DUOXA2: variants seen among roughly 807,000 people sequenced by gnomAD.
DUOXA2 encodes dual oxidase maturation factor 2.
DUOXA2 carries 22 observed loss-of-function variants against 27.6 expected under a neutral mutation model. The observed-to-expected ratio is 0.80, with a 90% CI of 0.57 to 1.14. DUOXA2 has a LOEUF of 1.14. Among genes scored for constraint, DUOXA2 ranks in the 50% most tolerant of loss-of-function variants. DUOXA2 has a pLI of 0.00. For synonymous variants in DUOXA2, 188 were observed against 184.4 expected (o/e 1.02, Z -0.16); for missense variants, 481 against 419.9 (o/e 1.15, Z -1.27).
At chr15:45,115,621 G>A (rs532173295) in intron 1 of DUOXA2, 178 bp from the exon 2 acceptor site, 58 of 780,310 alleles carry the variant, frequency 7.4e-5, no homozygotes, top group African/African-American at 3.2e-4. Context: ...GTGAAAGTGC[G>A]TGGTCACAAA....
At chr15:45,117,058 C>T (rs1313033486) in intron 4 of DUOXA2, 33 bp from the exon 5 acceptor site, 2 of 1,592,498 alleles carry the variant, frequency 1.3e-6, no homozygotes, top group African/African-American at 2.7e-5. Flanking sequence ...TGGGAGAAGC[C>T]CGCTCACAGC....
chr15:45,117,922 C>A lies in DUOXA2; in HGVS notation c.*13C>A. The A allele has an allele frequency of 1.2e-6, 2 of 1,613,308 alleles. No homozygotes were observed. Among genetic ancestry groups the A allele is most frequent in the South Asian group, 2.2e-5 (2 of 91,086 alleles). The stretch of plus-strand genomic sequence containing the variant: ...CACTAACCTGTGAGGGGGACCCAAT[C>A]TGGACTCCTTCCCCGCCTTGGGACA... On this transcript the variant is annotated 3_prime_UTR_variant, in exon 6 of 6. Transcript: ENST00000323030.
In DUOXA2 at chr15:45,118,048, A is replaced by AG; in HGVS notation, c.*142dup. 1 of 1,589,704 alleles carries AG rather than the reference A, an allele frequency of 6.3e-7. No homozygotes were observed. Among genetic ancestry groups the AG allele is most frequent in the Non-Finnish European group, 8.6e-7 (1 of 1,165,444 alleles). On this transcript the variant is annotated 3_prime_UTR_variant, in exon 6 of 6. Coordinates refer to ENST00000323030, the MANE Select transcript of DUOXA2 (RefSeq NM_207581.4). ...GAGGCCTCGGACATCCGCAGGCACC[A>AG]GGGAAAGTCTCCTGGGGCGATCTGT... is the stretch of plus-strand genomic sequence containing the variant.
At position 45,114,684 on chromosome 15, in the gene DUOXA2, G is replaced by A. The variant is rs1371727265; in HGVS notation, c.79G>A (p.Val27Ile). The change falls in exon 1 of 6, where the codon GTT (valine) becomes ATT (isoleucine). Residue 27 changes from valine (V) to isoleucine (I), a missense_variant. Coordinates refer to ENST00000323030, the MANE Select transcript of DUOXA2 (RefSeq NM_207581.4). ...AGGCTTCAGCGTTCCACTGCTCATC[G>A]TTATTCTAGTGTTTTTGGCTCTAGC... ...AAGFSVPLLI[V>I]ILVFLALAAS... 1 of 1,614,218 alleles carries A rather than the reference G, an allele frequency of 6.2e-7. No homozygotes were observed.
intron 4 of DUOXA2, 35 bp downstream of exon 4, chr15:45,116,764 T>G: frequency 6.2e-7 from 1 of 1,607,164 alleles, no homozygotes; most frequent in Admixed American, 1.7e-5. Flanking sequence ...TGCACGTGTG[T>G]GTGTGCCAGG....
chr15:45,115,017 C>A (rs191696228), intron 1 of DUOXA2, among the ~76,000 whole-genome samples: 5 of 152,308 alleles, frequency 3.3e-5, no homozygotes, highest in Non-Finnish European at 5.9e-5. Context: ...GTCCAGTAAT[C>A]CTGAGGAACA....
chr15:45,115,495 G>A (rs1047581463), intron 1 of DUOXA2: 11 of 582,842 alleles, frequency 1.9e-5, no homozygotes, highest in African/African-American at 1.7e-4. Flanking sequence ...TGGACCAGGA[G>A]GCAGAACCAG....
chr15:45,116,386 C>A, intron 3 of DUOXA2, 128 bp downstream of exon 3: 2 of 1,558,068 alleles, frequency 1.3e-6, no homozygotes, highest in Non-Finnish European at 1.8e-6. Context: ...CGTGGATTTG[C>A]GTTTTCTCCA....
chr15:45,117,739 G>A lies in DUOXA2; in HGVS notation c.793G>A (p.Gly265Arg). ...ATGVLCLFLGGAVVSLQYVRP... is the reference protein window; with the variant it reads ...ATGVLCLFLGRAVVSLQYVRP... ...AGGCGTCCTGTGCCTCTTCCTCGGA[G>A]GGGCCGTGGTGAGTCTCCAGTATGT... Residue 265 changes from glycine to arginine, a missense_variant, in exon 6 of 6, where the codon GGG (glycine) becomes AGG (arginine). Coordinates refer to ENST00000323030, the MANE Select transcript of DUOXA2 (RefSeq NM_207581.4). 1 of 1,612,930 alleles carries A rather than the reference G, an allele frequency of 6.2e-7. No homozygotes were observed. Among genetic ancestry groups the A allele is most frequent in the South Asian group, 1.1e-5 (1 of 91,056 alleles).
In DUOXA2 at chr15:45,114,695, G is replaced by GT. The variant is rs974496530; in HGVS notation, c.95dup (p.Leu32PhefsTer78). ...TTCCACTGCTCATCGTTATTCTAGT[G>GT]TTTTTGGCTCTAGCAGCAAGCTTCC... On this transcript the variant is annotated frameshift_variant, in exon 1 of 6. Coordinates refer to ENST00000323030, the MANE Select transcript of DUOXA2 (RefSeq NM_207581.4). LOFTEE classifies it high-confidence loss of function. 3.1e-6 allele frequency: 5 copies of GT among 1,614,088 alleles called. No homozygotes were observed. Among genetic ancestry groups the GT allele is most frequent in the Non-Finnish European group, 3.4e-6 (4 of 1,180,046 alleles).
At chr15:45,116,040 T>G in intron 2 of DUOXA2, 84 bp from the exon 3 acceptor site, 1 of 1,607,822 alleles carries the variant, frequency 6.2e-7, no homozygotes, top group South Asian at 1.1e-5. Flanking sequence ...TCCCCATCTC[T>G]CTGCAGTGTC....
Position 45,116,210 on chromosome 15 carries a change from C to T in DUOXA2, c.292C>T (p.Arg98Cys), listed in dbSNP as rs199519754. ...KAFSAARVTARVRLLVGLEGI... is the reference protein window; with the variant it reads ...KAFSAARVTACVRLLVGLEGI... ...CTTCAGCGCAGCGCGCGTTACAGCC[C>T]GTGTCCGTCTGCTCGTGGGCCTGGA... Residue 98 changes from arginine to cysteine, a missense_variant, in exon 3 of 6, where the codon CGT (arginine) becomes TGT (cysteine). Transcript: ENST00000323030. The T allele has an allele frequency of 2.1e-4, 339 of 1,614,138 alleles. No homozygotes were observed. The highest frequency in any genetic ancestry group is 2.7e-4 in the Non-Finnish European group (317 of 1,180,024).
chr15:45,116,217 G>A lies in DUOXA2; in HGVS notation c.299G>A (p.Arg100His), dbSNP rs966772477. ...GCAGCGCGCGTTACAGCCCGTGTCC[G>A]TCTGCTCGTGGGCCTGGAGGGCATT... ...FSAARVTARV[R>H]LLVGLEGINI... The change falls in exon 3 of 6, where the codon CGT becomes CAT. Residue 100 changes from arginine to histidine, a missense_variant. Transcript: ENST00000323030. 1.9e-6 allele frequency: 3 copies of A among 1,614,002 alleles called. No individual in the cohort carries two copies. The African/African-American group carries it at 4.0e-5, about 22-fold the overall frequency.
intron 4 of DUOXA2, 96 bp from the exon 5 acceptor site, chr15:45,116,995 T>C (rs1894671015): frequency 7.1e-7 from 1 of 1,414,180 alleles, no homozygotes; most frequent in Non-Finnish European, 9.6e-7. Flanking sequence ...GTCCCTGGCT[T>C]TGACGCTGGG....
intron 1 of DUOXA2, 96 bp downstream of exon 1, chr15:45,114,848 T>C (rs1015896585): frequency 6.4e-7 from 1 of 1,568,624 alleles, no homozygotes; most frequent in Non-Finnish European, 8.8e-7. Flanking sequence ...TACAAGAGCC[T>C]CCATGAATAG....
rs1389487670 is a variant in DUOXA2 at position 45,117,297 on chromosome 15, T to C, written c.761T>C (p.Leu254Pro). The C allele has an allele frequency of 3.1e-6, 5 of 1,595,112 alleles. No homozygotes were observed. The highest frequency in any genetic ancestry group is 4.3e-6 in the Non-Finnish European group (5 of 1,168,476). ...TQYGAAFWVTLATGVLCLFLG... is the reference protein window; with the variant it reads ...TQYGAAFWVTPATGVLCLFLG... ...TACGGCGCCGCCTTCTGGGTCACGC[T>C]GGCAACCGGTGAGGACCGAGAGAAT... Residue 254 changes from leucine (L) to proline (P), a missense_variant, in exon 5 of 6, where the codon CTG becomes CCG. Physicochemically the swap from Leu to Pro is moderately conservative, Grantham distance 98 (BLOSUM62 -3). Coordinates refer to ENST00000323030, the MANE Select transcript of DUOXA2 (RefSeq NM_207581.4).
rs1345020435 is a variant in DUOXA2, at chr15:45,118,310, G to C, written c.*401G>C. ...TAGCATCTTTCTGAACCACCCCAGG[G>C]GGACGTTAGGTGGCAGTGATGAGGC... On this transcript the variant is annotated 3_prime_UTR_variant, in exon 6 of 6. Coordinates refer to ENST00000323030, the MANE Select transcript of DUOXA2 (RefSeq NM_207581.4). 8.0e-6 allele frequency: 10 copies of C among 1,257,722 alleles called. No individual in the cohort carries two copies. Among genetic ancestry groups the C allele is most frequent in the African/African-American group, 1.5e-5 (1 of 65,350 alleles). The allele number at this position is 1,257,722 out of a possible 1,614,324, so 77.9% of individuals were successfully genotyped here.
rs779128202 is a variant in DUOXA2, at chr15:45,114,648, C to T, written c.43C>T (p.Arg15Trp). 3 of 1,614,206 alleles carry T rather than the reference C, an allele frequency of 1.9e-6. No homozygotes were observed. Among genetic ancestry groups the T allele is most frequent in the African/African-American group, 2.7e-5 (2 of 75,062 alleles). Residue 15 changes from arginine (R) to tryptophan (W), a missense_variant, in exon 1 of 6, where the codon CGG (arginine) becomes TGG (tryptophan). Transcript: ENST00000323030. ...NGVLPFYPQP[R>W]HAAGFSVPLL... Reference sequence around the variant, plus strand: ...CGTACTGCCTTTTTACCCCCAGCCCCGGCATGCCGCAGGCTTCAGCGTTCC... The same window carrying T: ...CGTACTGCCTTTTTACCCCCAGCCCTGGCATGCCGCAGGCTTCAGCGTTCC...
At chr15:45,116,048 G>A (rs1894614973) in intron 2 of DUOXA2, 76 bp from the exon 3 acceptor site, 1 of 1,609,862 alleles carries the variant, frequency 6.2e-7, no homozygotes, top group Non-Finnish European at 8.5e-7. Context: ...TCTCTGCAGT[G>A]TCCCACCTCC....
Sources: gnomAD v4.1 joint callset for allele counts (sites outside exome capture counted in the v4.1 genomes callset) on GRCh38, gnomAD v4.1.1 for gene constraint, MANE v1.5 for transcripts, NCBI Gene and HGNC (gene_info 2026-07-23, HGNC 2026-07-21) for gene names.